The following CELF2 variants were observed in gnomAD, a reference collection of about 807,000 sequenced individuals.
CELF2 encodes the protein CUGBP Elav-like family member 2.
A neutral mutation model predicts 62.6 loss-of-function variants in CELF2; 8 were observed. That is an observed-to-expected ratio of 0.13 (90% CI 0.07 to 0.23). CELF2 has a LOEUF of 0.23. Among genes scored for constraint, CELF2 ranks in the 10% least tolerant of loss-of-function variants. The pLI, the probability that CELF2 is intolerant of heterozygous loss-of-function variation, is 1.00. For synonymous variants in CELF2, 258 were observed against 250.0 expected (o/e 1.03, Z -0.30); for missense variants, 333 against 671.0 (o/e 0.50, Z 5.56).
intron 1 of CELF2, among the ~76,000 whole-genome samples, chr10:10,905,344 A>G (rs1281833701): frequency 6.6e-6 from 1 of 152,234 alleles, no homozygotes; most frequent in Non-Finnish European, 1.5e-5. Flanking sequence ...CTTTCCTAGG[A>G]ATGAAATACT....
chr10:10,633,438 T>C, the CELF2 span, among the ~76,000 whole-genome samples: 2 of 152,202 alleles, frequency 1.3e-5, no homozygotes, highest in Non-Finnish European at 2.9e-5. Context: ...TGGTATCTTT[T>C]TGGGTGTTTC....
chr10:10,767,744 C>T, the CELF2 span, among the ~76,000 whole-genome samples: 3 of 152,148 alleles, frequency 2.0e-5, no homozygotes, highest in Non-Finnish European at 4.4e-5. Context: ...CGCCTGTAAT[C>T]CCAGCACTTT....
chr10:10,889,021 A>G (rs751022045), intron 1 of CELF2, among the ~76,000 whole-genome samples: 1 of 152,230 alleles, frequency 6.6e-6, no homozygotes, highest in Non-Finnish European at 1.5e-5. Context: ...AGGGACACCA[A>G]CCAGCCAAAG....
At chr10:10,665,013 G>A in the CELF2 span, among the ~76,000 whole-genome samples, 3 of 152,170 alleles carry the variant, frequency 2.0e-5, no homozygotes, top group Non-Finnish European at 4.4e-5. Context: ...TAATCATGTT[G>A]CTCTTTGAGA....
At chr10:10,984,009 G>A (rs1326359592) in intron 2 of CELF2, among the ~76,000 whole-genome samples, 2 of 152,194 alleles carry the variant, frequency 1.3e-5, no homozygotes, top group Admixed American at 6.5e-5. Context: ...TGAATCTGCC[G>A]ATTTTTTTAA....
chr10:11,026,922 T>C (rs1254792455), intron 1 of CELF2, among the ~76,000 whole-genome samples: 2 of 152,202 alleles, frequency 1.3e-5, no homozygotes, highest in African/African-American at 4.8e-5. Context: ...TGTTGAGTTT[T>C]CGAGTTGAGC....
rs781224419 is a variant in CELF2, at chr10:10,947,577, G to A, written c.89+27578G>A. The A allele has an allele frequency of 1.3e-5, 2 of 152,614 alleles. No homozygotes were observed. Among genetic ancestry groups the A allele is most frequent in the Non-Finnish European group, 2.9e-5 (2 of 68,042 alleles). 9.5% of individuals were successfully genotyped at this position (152,614 alleles called of 1,614,324 possible). On this transcript the variant is annotated intron_variant, in intron 2 of 13. Coordinates refer to the CELF2 transcript ENST00000636488. The surrounding 1 kb of genome is among the most constrained non-coding windows in gnomAD (Gnocchi z 4.1). Reference sequence around the variant, plus strand: ...AATTCCTAACAAGCATATGAAAGAGGAAATCAGTGTCCTATTGCCTCGGTG... The same window carrying A: ...AATTCCTAACAAGCATATGAAAGAGAAAATCAGTGTCCTATTGCCTCGGTG...
chr10:11,216,367 C>A (rs1204801091), intron 2 of CELF2, among the ~76,000 whole-genome samples: 1 of 152,136 alleles, frequency 6.6e-6, no homozygotes, highest in Non-Finnish European at 1.5e-5. Context: ...TGGCTCCGTG[C>A]GTTATGTTCC....
the CELF2 span, among the ~76,000 whole-genome samples, chr10:10,585,965 A>C: frequency 6.6e-6 from 1 of 152,008 alleles, no homozygotes; most frequent in Non-Finnish European, 1.5e-5. Flanking sequence ...GCCAATGCTT[A>C]ATACAACACT....
intron 2 of CELF2, among the ~76,000 whole-genome samples, chr10:11,174,653 C>G (rs562696493): frequency 1.4e-4 from 22 of 152,238 alleles, no homozygotes; most frequent in Non-Finnish European, 2.9e-4. Flanking sequence ...ACCATCTGAT[C>G]ATTATAAAAT....
intron 1 of CELF2, among the ~76,000 whole-genome samples, chr10:11,160,944 T>C (rs1423199457): frequency 6.6e-6 from 1 of 152,216 alleles, no homozygotes; most frequent in Non-Finnish European, 1.5e-5. Context: ...TTCCATTCTT[T>C]TGTTTGCATT....
rs757194489 is a variant in CELF2, at chr10:11,333,840, C to CTGAT, written c.*4790_*4793dup. 8 of 152,118 alleles carry CTGAT rather than the reference C, an allele frequency of 5.3e-5. No homozygotes were observed. The highest frequency in any genetic ancestry group is 3.9e-4 in the East Asian group (2 of 5,182). 9.4% of individuals were successfully genotyped at this position (152,118 alleles called of 1,614,324 possible). A position where few individuals can be genotyped will look rare whatever the true frequency, so the allele number is the denominator to read the frequency against. On this transcript the variant is annotated 3_prime_UTR_variant, in exon 13 of 13. Coordinates refer to ENST00000633077, the MANE Select transcript of CELF2 (RefSeq NM_001326342.2). ...TACGCAGGCTTTCCTATTTCTACAA[C>CTGAT]TGATTGTACTTATGCATTTTGTACC...
intron 1 of CELF2, among the ~76,000 whole-genome samples, chr10:10,891,101 T>C (rs2062107412): frequency 6.6e-6 from 1 of 152,058 alleles, no homozygotes; most frequent in South Asian, 2.1e-4. Context: ...TTTTCATATG[T>C]TTAAAGTTAT....
At chr10:10,864,244 T>C (rs1448268496) in intron 1 of CELF2, among the ~76,000 whole-genome samples, 3 of 152,210 alleles carry the variant, frequency 2.0e-5, no homozygotes, top group Non-Finnish European at 4.4e-5. Flanking sequence ...CAGGGCATTT[T>C]TTTTTTTCAT....
intron 1 of CELF2, among the ~76,000 whole-genome samples, chr10:11,163,649 T>TA (rs1408524049): frequency 6.6e-6 from 1 of 152,252 alleles, no homozygotes; most frequent in Non-Finnish European, 1.5e-5. Context: ...ATAAGGTTGA[T>TA]TAGAGCAAGC....
intron 2 of CELF2, chr10:10,944,419 A>G (rs2047412978): frequency 6.6e-6 from 1 of 152,624 alleles, no homozygotes; most frequent in South Asian, 2.1e-4. Context: ...GTGCACACAG[A>G]AGCAGCCTTG....
In CELF2 at chr10:11,008,698, G is replaced by A. The variant is rs1564359647; in HGVS notation, c.53+3258G>A. ...TAAAATGCACAAGGAAGAGTGTTAC[G>A]TGGGGACGATCATTCTGTATTTAAG... On this transcript the variant is annotated intron_variant, in intron 1 of 12. Coordinates refer to the CELF2 transcript ENST00000416382. The surrounding 1 kb of genome is among the most constrained non-coding windows in gnomAD (Gnocchi z 4.5). Among the ~76,000 whole-genome samples, 2 of 152,156 alleles carry A rather than the reference G, an allele frequency of 1.3e-5. No individual in the cohort carries two copies. Among genetic ancestry groups the A allele is most frequent in the Non-Finnish European group, 2.9e-5 (2 of 68,032 alleles).
At chr10:10,702,837 G>T in the CELF2 span, among the ~76,000 whole-genome samples, 1 of 152,138 alleles carries the variant, frequency 6.6e-6, no homozygotes, top group Admixed American at 6.5e-5. Flanking sequence ...ACCCACCTAG[G>T]CCTCCCAAAG....
At chr10:10,711,809 A>G in the CELF2 span, among the ~76,000 whole-genome samples, 1 of 152,048 alleles carries the variant, frequency 6.6e-6, no homozygotes. Context: ...TTGAACCTCG[A>G]AGGTGGAGGT....
Sources: gnomAD v4.1 joint callset for allele counts (sites outside exome capture counted in the v4.1 genomes callset) on GRCh38, gnomAD v4.1.1 for gene constraint, Gnocchi (gnomAD v3.1) non-coding constraint, MANE v1.5 for transcripts, NCBI Gene and HGNC (gene_info 2026-07-23, HGNC 2026-07-21) for gene names.